PPIP5K2: variants seen among roughly 807,000 people sequenced by gnomAD.
PPIP5K2 encodes diphosphoinositol pentakisphosphate kinase 2.
PPIP5K2 carries 105 observed loss-of-function variants against 154.6 expected under a neutral mutation model. That is an observed-to-expected ratio of 0.68 (90% CI 0.58 to 0.80). PPIP5K2 has a LOEUF of 0.80. Ranked by LOEUF, PPIP5K2 falls within the 30% of genes least tolerant of loss-of-function variation. The probability of loss-of-function intolerance (pLI) is 0.00; values close to 1 mark genes in which losing one functional copy is unlikely to be tolerated. For synonymous variants in PPIP5K2, 480 were observed against 490.3 expected, an observed-to-expected ratio of 0.98 and a Z score of 0.28; for missense variants, 992 against 1,504.6, an observed-to-expected ratio of 0.66 and a Z score of 5.64.
At chr5:103,199,924 A>G (rs1319823857) in intron 30 of PPIP5K2, among the ~76,000 whole-genome samples, 1 of 152,160 alleles carries the variant, frequency 6.6e-6, no homozygotes, top group Non-Finnish European at 1.5e-5. Context: ...ACTCATCTCC[A>G]AAGTGATCTG....
intron 24 of PPIP5K2, among the ~76,000 whole-genome samples, chr5:103,182,188 T>C (rs1412372316): frequency 6.6e-6 from 1 of 152,126 alleles, no homozygotes; most frequent in African/African-American, 2.4e-5. Flanking sequence ...TTATTCAGAA[T>C]TTCACCATTA....
chr5:103,197,340 T>C (rs1802244250), intron 30 of PPIP5K2, among the ~76,000 whole-genome samples: 3 of 152,048 alleles, frequency 2.0e-5, no homozygotes, highest in African/African-American at 7.2e-5. Flanking sequence ...TTTTGGTAGC[T>C]GTATTTTTTT....
At position 103,186,351 on chromosome 5, in the gene PPIP5K2, G is replaced by A. The variant is rs782435558; in HGVS notation, c.3201G>A (p.Ser1067=). ...ACTGTGCGGGCCTGTTTAGCACCTCGGTGCTCGGGGGTTCTTCAAGCGCAC... is the reference window on the plus strand; with the variant it reads ...ACTGTGCGGGCCTGTTTAGCACCTCAGTGCTCGGGGGTTCTTCAAGCGCAC... ...GSHCAGLFST[S]VLGGSSSAPN... Residue 1067 remains serine (S), a synonymous_variant, in exon 27 of 31, where the codon TCG becomes TCA. Coordinates refer to ENST00000358359, the MANE Select transcript of PPIP5K2 (RefSeq NM_001276277.3). 19 of 1,613,702 alleles carry A rather than the reference G, an allele frequency of 1.2e-5. No homozygotes were observed. The highest frequency in any genetic ancestry group is 6.7e-5 in the East Asian group (3 of 44,860).
chr5:103,149,377 A>T (rs1260530584), intron 8 of PPIP5K2, 64 bp downstream of exon 8: 14 of 1,439,712 alleles, frequency 9.7e-6, no homozygotes, highest in Non-Finnish European at 1.3e-5. Flanking sequence ...TTTTTGACTA[A>T]GACATTATTG....
Position 103,211,472 on chromosome 5 carries a change from ACT to A in PPIP5K2, c.*9842_*9843del, listed in dbSNP as rs1227883265. The stretch of plus-strand genomic sequence containing the variant: ...TTGGGAGGAATTTATCTGCTCAAAA[ACT>A]CTCACCTACTTACTAGATATAGTGT... On this transcript the variant is annotated 3_prime_UTR_variant, in exon 31 of 31. Coordinates refer to ENST00000358359, the MANE Select transcript of PPIP5K2 (RefSeq NM_001276277.3). The A allele has an allele frequency of 6.6e-6, 1 of 151,696 alleles. No homozygotes were observed. The highest frequency in any genetic ancestry group is 2.4e-5 in the African/African-American group (1 of 41,276). The allele number at this position is 151,696 out of a possible 1,614,324, so 9.4% of individuals were successfully genotyped here.
chr5:103,159,360 T>C (rs782001269), intron 17 of PPIP5K2, 32 bp downstream of exon 17: 10 of 1,512,326 alleles, frequency 6.6e-6, no homozygotes, highest in Non-Finnish European at 9.0e-6. Context: ...TATTGTGAAA[T>C]ATTACACACA....
At position 103,175,611 on chromosome 5, in the gene PPIP5K2, T is replaced by A. The variant is rs143745077; in HGVS notation, c.2529+1639T>A. Among the ~76,000 whole-genome samples the A allele has an allele frequency of 1.6e-4, 25 of 152,186 alleles. No individual in the cohort carries two copies. The East Asian group carries it at 4.8e-3, about 29-fold the overall frequency. On this transcript the variant is annotated intron_variant, in intron 21 of 30. Coordinates refer to ENST00000358359, the MANE Select transcript of PPIP5K2 (RefSeq NM_001276277.3). ...ACAGCAGATATGGTTGAAGAGCCAG[T>A]GCCTTGTATTCTAATTGGATTGGGA...
intron 27 of PPIP5K2, among the ~76,000 whole-genome samples, chr5:103,187,093 A>G (rs1204051913): frequency 6.6e-6 from 1 of 152,106 alleles, no homozygotes; most frequent in Non-Finnish European, 1.5e-5. Context: ...TTGCCAGCTC[A>G]TCTTGCTTTT....
rs1377490792 is a variant in PPIP5K2 at position 103,201,694 on chromosome 5, C to T, written c.*60C>T. 8.4e-7 allele frequency: 1 copy of T among 1,191,600 alleles called. No individual in the cohort carries two copies. Among genetic ancestry groups the T allele is most frequent in the East Asian group, 2.5e-5 (1 of 39,296 alleles). The allele number at this position is 1,191,600 out of a possible 1,614,324, so 73.8% of individuals were successfully genotyped here. On this transcript the variant is annotated 3_prime_UTR_variant, in exon 31 of 31. Transcript: ENST00000358359. ...AAAAATAGTATGTTCTTATGTTTCT[C>T]CTTATGCATTTATGTGTTCACTTAA...
chr5:103,174,085 T>C (rs1554220272), intron 21 of PPIP5K2, 113 bp downstream of exon 21: 1 of 798,340 alleles, frequency 1.3e-6, no homozygotes, highest in African/African-American at 1.7e-5. Flanking sequence ...TTTTACTACT[T>C]AATGTCGTCT....
chr5:103,180,753 G>A (rs1486597980), intron 24 of PPIP5K2, among the ~76,000 whole-genome samples: 2 of 151,624 alleles, frequency 1.3e-5, no homozygotes, highest in African/African-American at 4.8e-5. Flanking sequence ...AGGAGGCTGA[G>A]GCAGGAGAAT....
Position 103,207,379 on chromosome 5 carries a change from CAT to C in PPIP5K2, c.*5746_*5747del, listed in dbSNP as rs1304670187. 3.5e-4 allele frequency: 53 copies of C among 152,212 alleles called. No homozygotes were observed. The highest frequency in any genetic ancestry group is 1.2e-3 in the African/African-American group (50 of 41,544). 9.4% of individuals were successfully genotyped at this position (152,212 alleles called of 1,614,324 possible). A position where few individuals can be genotyped will look rare whatever the true frequency, so the allele number is the denominator to read the frequency against. On this transcript the variant is annotated 3_prime_UTR_variant, in exon 31 of 31. Transcript: ENST00000358359. ...AGTTAAGAACCACTGCCCTAAAGCA[CAT>C]GATTCTGTGGAAAAGAAGGATATAT...
chr5:103,168,193 CTG>C lies in PPIP5K2; in HGVS notation c.2186_2187del (p.Cys729TyrfsTer4), dbSNP rs1797426124. 1.2e-6 allele frequency: 2 copies of C among 1,607,780 alleles called. No homozygotes were observed. Among genetic ancestry groups the C allele is most frequent in the East Asian group, 4.5e-5 (2 of 44,650 alleles). Reference protein sequence around the residue: ...DISKIPDIYDCIKYDVQHNGS... With the variant: ...DISKIPDIYDXIKYDVQHNGS... ...TTAGTAAAATCCCTGACATATATGA[CTG>C]TATAAAATATGATGTCCAGCATAAT... On this transcript the variant is annotated frameshift_variant, in exon 19 of 31. Transcript: ENST00000358359. LOFTEE classifies it high-confidence loss of function.
intron 5 of PPIP5K2, 44 bp downstream of exon 5, chr5:103,138,513 A>G (rs564817465): frequency 3.1e-6 from 4 of 1,289,258 alleles, no homozygotes; most frequent in Middle Eastern, 1.9e-4. Flanking sequence ...GCCACTTGAC[A>G]TACTTTTGGG....
chr5:103,153,879 C>CATAGATGT lies in PPIP5K2; in HGVS notation c.1162_1163insATAGATGT (p.Arg388HisfsTer14). On this transcript the variant is annotated frameshift_variant, in exon 11 of 31. Coordinates refer to ENST00000358359, the MANE Select transcript of PPIP5K2 (RefSeq NM_001276277.3). LOFTEE classifies it high-confidence loss of function. ...ACTTAGATGTGTCATAGCTGTTATA[C>CATAGATGT]GTCATGGGGATCGAACACCAAAACA... The CATAGATGT allele has an allele frequency of 6.2e-7, 1 of 1,606,250 alleles. No individual in the cohort carries two copies. The highest frequency in any genetic ancestry group is 8.5e-7 in the Non-Finnish European group (1 of 1,175,980).
Position 103,189,326 on chromosome 5 carries a change from AGTGG to A in PPIP5K2, c.3353-1515_3353-1512del. 1.3e-5 allele frequency: 13 copies of A among 965,708 alleles called. No individual in the cohort carries two copies. In the Admixed American group the frequency reaches 2.5e-4, roughly 18 times the overall value. 59.8% of individuals were successfully genotyped at this position (965,708 alleles called of 1,614,324 possible). ...TTAAAGGAAAAGTTTATTAAAGATAAGTGGAAAAAAATGTAGTCTAGAGGAACTT... is the reference window on the plus strand; with the variant it reads ...TTAAAGGAAAAGTTTATTAAAGATAAAAAAAAATGTAGTCTAGAGGAACTT... On this transcript the variant is annotated intron_variant, in intron 28 of 30. Coordinates refer to ENST00000358359, the MANE Select transcript of PPIP5K2 (RefSeq NM_001276277.3).
chr5:103,184,793 A>G (rs1554224357), intron 26 of PPIP5K2, 49 bp downstream of exon 26: 2 of 1,431,182 alleles, frequency 1.4e-6, no homozygotes, highest in Non-Finnish European at 2.0e-6. Context: ...TAAACTCACT[A>G]TTGTGCACAC....
chr5:103,149,394 A>G (rs1583298605), intron 8 of PPIP5K2, 81 bp downstream of exon 8: 3 of 1,315,414 alleles, frequency 2.3e-6, no homozygotes, highest in African/African-American at 1.5e-5. Flanking sequence ...ATTGGTGCTT[A>G]TAATTGGAGA....
chr5:103,201,851 G>A lies in PPIP5K2; in HGVS notation c.*217G>A. Reference sequence around the variant, plus strand: ...AAACTTATAGTGATAAAAATCGATTGTTGTTAATATGATGTTTACCATGTG... The same window carrying A: ...AAACTTATAGTGATAAAAATCGATTATTGTTAATATGATGTTTACCATGTG... On this transcript the variant is annotated 3_prime_UTR_variant, in exon 31 of 31. Transcript: ENST00000358359. The A allele has an allele frequency of 2.1e-6, 1 of 479,138 alleles. No individual in the cohort carries two copies. The highest frequency in any genetic ancestry group is 2.7e-5 in the South Asian group (1 of 37,624). The allele number at this position is 479,138 out of a possible 1,614,324, so 29.7% of individuals were successfully genotyped here.
Sources: gnomAD v4.1 joint callset for allele counts (sites outside exome capture counted in the v4.1 genomes callset) on GRCh38, gnomAD v4.1.1 for gene constraint, MANE v1.5 for transcripts, NCBI Gene and HGNC (gene_info 2026-07-23, HGNC 2026-07-21) for gene names.